The following PLS3 variants were observed in gnomAD, a reference collection of about 807,000 sequenced individuals.
The protein encoded by PLS3 is plastin 3.
A neutral mutation model predicts 46.5 loss-of-function variants in PLS3; 11 were observed. That is an observed-to-expected ratio of 0.24 (90% CI 0.15 to 0.39). The LOEUF is 0.39. PLS3 is among the 10% of genes least tolerant of loss of function. PLS3 has a pLI of 1.00. For missense variants in PLS3, 308 were observed against 461.8 expected (o/e 0.67, Z 3.05); for synonymous variants, 167 against 162.2 (o/e 1.03, Z -0.22).
At position 115,646,202 on chromosome X, in the gene PLS3, G is replaced by A. The variant is rs1231426504; in HGVS notation, c.1377+16G>A. 7 of 957,964 alleles carry A rather than the reference G, an allele frequency of 7.3e-6. No individual in the cohort carries two copies. Among genetic ancestry groups the A allele is most frequent in the African/African-American group, 1.9e-5 (1 of 51,485 alleles). 78.9% of individuals were successfully genotyped at this position (957,964 alleles called of 1,213,427 possible). ...CATGAAAAAGGTAGATAATTAAGTT[G>A]CTGTATATATTTGTTAGAGTATTTT... On this transcript the variant is annotated intron_variant, in intron 12 of 15. Transcript: ENST00000355899.
intron 1 of PLS3, among the ~76,000 whole-genome samples, chrX:115,569,141 T>C (rs1176101294): frequency 9.0e-6 from 1 of 111,450 alleles, no homozygotes; most frequent in Non-Finnish European, 1.9e-5. Context: ...GTAAAGTATA[T>C]GTCTTGGAAG....
intron 1 of PLS3, among the ~76,000 whole-genome samples, chrX:115,588,506 T>C (rs1556632704): frequency 2.7e-5 from 3 of 112,398 alleles, no homozygotes; most frequent in Admixed American, 9.5e-5. Flanking sequence ...AAAAAGCTTA[T>C]GTTAACATGT....
chrX:115,636,760 C>G, intron 7 of PLS3, 76 bp from the exon 8 acceptor site: 1 of 966,522 alleles, frequency 1.0e-6, no homozygotes, highest in East Asian at 3.1e-5. Flanking sequence ...TTAACAGTGT[C>G]AAAAGACTGA....
rs192352748 is a variant in PLS3 at position 115,645,828 on chromosome X, G to A, written c.1263-244G>A. On this transcript the variant is annotated intron_variant, in intron 11 of 15. Transcript: ENST00000355899. ...TCTCTGACTCTAATGCAAGGACAGG[G>A]ATTTTTGTCCTGTGGGCCCAGCCTC... is the stretch of plus-strand genomic sequence containing the variant. Among the ~76,000 whole-genome samples, 15 of 111,824 alleles carry A rather than the reference G, an allele frequency of 1.3e-4. No individual in the cohort carries two copies. The South Asian group carries it at 4.5e-3, about 34-fold the overall frequency.
intron 14 of PLS3, 63 bp from the exon 15 acceptor site, chrX:115,647,830 T>C: frequency 8.4e-7 from 1 of 1,184,355 alleles, no homozygotes; most frequent in Non-Finnish European, 1.1e-6. Context: ...GCACTTGATA[T>C]AAGTAAGCAC....
rs188057946 is a variant in PLS3 at position 115,647,172 on chromosome X, C to T, written c.1512-378C>T. Among the ~76,000 whole-genome samples the T allele has an allele frequency of 2.0e-4, 22 of 111,564 alleles. No individual in the cohort carries two copies. In the East Asian group the frequency reaches 3.7e-3, roughly 19 times the overall value. The stretch of plus-strand genomic sequence containing the variant: ...TATAGGGGCCAGGAGTGGTGGCTCA[C>T]GCCTGTAATACCAGCACTTTGGGAG... On this transcript the variant is annotated intron_variant, in intron 13 of 15. Transcript: ENST00000355899.
chrX:115,613,853 A>G (rs1282356083), intron 2 of PLS3, among the ~76,000 whole-genome samples: 1 of 112,602 alleles, frequency 8.9e-6, no homozygotes, highest in African/African-American at 3.2e-5. Context: ...CAGCAAGCCA[A>G]CTGTAAATGG....
At chrX:115,632,445 G>A (rs925003651) in intron 5 of PLS3, among the ~76,000 whole-genome samples, 3 of 110,409 alleles carry the variant, frequency 2.7e-5, no homozygotes, top group African/African-American at 9.9e-5. Context: ...CAGCCCAGGC[G>A]AGAGTTAGAC....
At chrX:115,603,628 G>A (rs903306330) in intron 1 of PLS3, among the ~76,000 whole-genome samples, 3 of 110,518 alleles carry the variant, frequency 2.7e-5, no homozygotes, top group South Asian at 3.9e-4. Context: ...AATAAAGTCC[G>A]CTTTTGCTTG....
At chrX:115,648,049 C>T (rs1424233621) in intron 15 of PLS3, 32 bp downstream of exon 15, 10 of 1,065,223 alleles carry the variant, frequency 9.4e-6, no homozygotes, top group Admixed American at 4.5e-5. Flanking sequence ...ATGAAAAGAA[C>T]GCAGCTTTGT....
intron 5 of PLS3, among the ~76,000 whole-genome samples, chrX:115,632,158 AC>A (rs1317870148): frequency 2.7e-5 from 3 of 111,472 alleles, no homozygotes; most frequent in Admixed American, 9.6e-5. Context: ...CTGGGGACTC[AC>A]CCTGCAGAAC....
At chrX:115,587,379 G>A (rs2074315507) in intron 1 of PLS3, among the ~76,000 whole-genome samples, 1 of 112,137 alleles carries the variant, frequency 8.9e-6, no homozygotes, top group Non-Finnish European at 1.9e-5. Flanking sequence ...TATGACGATC[G>A]TCTTGAGGGA....
Position 115,598,160 on chromosome X carries a change from G to A in PLS3, c.-8-12083G>A, listed in dbSNP as rs781945011. On this transcript the variant is annotated intron_variant, in intron 1 of 15. Transcript: ENST00000355899. ...TCCAAAAAATACAAAAATTAGCTGG[G>A]GTGATATTGCGTGCCTGTAATCCCA... is the stretch of plus-strand genomic sequence containing the variant. Among the ~76,000 whole-genome samples, 154 of 109,243 alleles carry A rather than the reference G, an allele frequency of 1.4e-3. 1 individual carries two copies. Among genetic ancestry groups the A allele is most frequent in the African/African-American group, 5.0e-3 (149 of 30,012 alleles). The allele number at this position is 109,243 out of a possible 115,157, so 94.9% of individuals were successfully genotyped here. A position where few individuals can be genotyped will look rare whatever the true frequency, so the allele number is the denominator to read the frequency against.
At chrX:115,599,981 T>A (rs781973446) in intron 1 of PLS3, among the ~76,000 whole-genome samples, 16 of 110,462 alleles carry the variant, frequency 1.4e-4, no homozygotes, top group Non-Finnish European at 2.8e-4. Context: ...CTGGGCAAAG[T>A]CAACGACTAT....
At chrX:115,584,141 A>T (rs922170030) in intron 1 of PLS3, among the ~76,000 whole-genome samples, 4 of 111,813 alleles carry the variant, frequency 3.6e-5, no homozygotes, top group African/African-American at 1.3e-4. Context: ...ATCCTTATTT[A>T]TTTGCTTTGC....
At chrX:115,624,629 G>T (rs2074692683) in intron 3 of PLS3, among the ~76,000 whole-genome samples, 2 of 112,220 alleles carry the variant, frequency 1.8e-5, no homozygotes, top group African/African-American at 6.5e-5. Context: ...CTTTGAAAAT[G>T]ATCTTGGGGA....
intron 1 of PLS3, among the ~76,000 whole-genome samples, chrX:115,592,099 A>T (rs2074349188): frequency 8.9e-6 from 1 of 111,966 alleles, no homozygotes; most frequent in South Asian, 3.8e-4. Context: ...ACAGGTGCCC[A>T]CACTGTGAGT....
At chrX:115,578,158 T>G (rs1389176174) in intron 1 of PLS3, among the ~76,000 whole-genome samples, 1 of 111,842 alleles carries the variant, frequency 8.9e-6, no homozygotes, top group Non-Finnish European at 1.9e-5. Flanking sequence ...GAGGGAGATA[T>G]TTCAGGCAAG....
chrX:115,564,011 C>T (rs1569525657), intron 1 of PLS3, among the ~76,000 whole-genome samples: 1 of 111,914 alleles, frequency 8.9e-6, no homozygotes, highest in East Asian at 2.8e-4. Context: ...ACAGAATCAT[C>T]GCTAGGCTCT....
Sources: allele counts gnomAD v4.1 joint callset (sites outside exome capture counted in the v4.1 genomes callset), GRCh38; gene constraint gnomAD v4.1.1; transcripts MANE v1.5; gene names NCBI Gene and HGNC (gene_info 2026-07-23, HGNC 2026-07-21).